NT5DC4: variants seen among roughly 807,000 people sequenced by gnomAD.
The protein encoded by NT5DC4 is 5'-nucleotidase domain-containing protein 4.
A neutral mutation model predicts 26.6 loss-of-function variants in NT5DC4; 44 were observed. The observed-to-expected ratio is 1.65, with a 90% CI of 1.30 to 2.13. NT5DC4 has a LOEUF of 2.13. Among genes scored for constraint, NT5DC4 ranks in the 30% most tolerant of loss-of-function variants. The probability of loss-of-function intolerance (pLI) is 0.00; values close to 1 mark genes in which losing one functional copy is unlikely to be tolerated. For missense variants in NT5DC4, 399 were observed against 228.1 expected (o/e 1.75, Z -4.83); for synonymous variants, 157 against 86.7 (o/e 1.81, Z -4.51).
chr2:112,722,185 G>A lies in NT5DC4; in HGVS notation c.269G>A (p.Arg90Gln), dbSNP rs759008773. ...GCCCCCCGACCCCCCGTCTGCAGGC[G>A]GCTGGTGTTCGATGAACTCTATGGG... ...YTYDPTFPTR[R>Q]LVFDELYGNL... The change falls in exon 4 of 17, where the codon CGG becomes CAG. Residue 90 changes from arginine (R) to glutamine (Q), a missense_variant and splice_region_variant. Coordinates refer to ENST00000688554, the MANE Select transcript of NT5DC4 (RefSeq NM_001393655.1). The A allele has an allele frequency of 2.1e-5, 15 of 717,042 alleles. No individual in the cohort carries two copies. The Middle Eastern group carries it at 6.9e-4, about 33-fold the overall frequency. The allele number at this position is 717,042 out of a possible 1,614,324, so 44.4% of individuals were successfully genotyped here.
chr2:112,730,872 GT>G (rs1428829660), intron 16 of NT5DC4, among the ~76,000 whole-genome samples: 1 of 152,166 alleles, frequency 6.6e-6, no homozygotes, highest in African/African-American at 2.4e-5. Flanking sequence ...GTTGGCAACT[GT>G]TTTTCTATCC....
rs1254918314 is a variant in NT5DC4 at position 112,721,865 on chromosome 2, G to C, written c.122G>C (p.Gly41Ala). The C allele has an allele frequency of 1.4e-6, 1 of 717,362 alleles. No homozygotes were observed. Among genetic ancestry groups the C allele is most frequent in the South Asian group, 1.5e-5 (1 of 67,604 alleles). 44.4% of individuals were successfully genotyped at this position (717,362 alleles called of 1,614,324 possible). A position where few individuals can be genotyped will look rare whatever the true frequency, so the allele number is the denominator to read the frequency against. ...SLALGKIRCF[G>A]FDMDYTLAAY... is the part of the protein sequence containing the mutation. ...GCGCTGGGGAAGATTCGTTGCTTTG[G>C]CTTCGACATGGACTACACTCTGGCT... The change falls in exon 2 of 17, where the codon GGC becomes GCC. Residue 41 changes from glycine (G) to alanine (A), a missense_variant. Coordinates refer to ENST00000688554, the MANE Select transcript of NT5DC4 (RefSeq NM_001393655.1).
chr2:112,741,888 G>A (rs535432839), downstream of NT5DC4, among the ~76,000 whole-genome samples: 335 of 147,576 alleles, frequency 2.3e-3, no homozygotes, highest in African/African-American at 8.1e-3. Context: ...AGCCTCCTGA[G>A]TATCTGGGAT....
In NT5DC4 at chr2:112,724,914, C is replaced by T. The variant is rs1677494571; in HGVS notation, c.915+8C>T. The T allele has an allele frequency of 1.4e-6, 1 of 716,604 alleles. No individual in the cohort carries two copies. Among genetic ancestry groups the T allele is most frequent in the Non-Finnish European group, 2.6e-6 (1 of 384,944 alleles). 44.4% of individuals were successfully genotyped at this position (716,604 alleles called of 1,614,324 possible). ...GTAATGGCAGGTGCAGAGGTCAGTC[C>T]ACCTGCACCCATGGACCACGGTTGG... On this transcript the variant is annotated splice_region_variant and intron_variant, in intron 11 of 16. Transcript: ENST00000688554.
At chr2:112,735,291 G>A (rs562672824) in intron 16 of NT5DC4, among the ~76,000 whole-genome samples, 4 of 151,052 alleles carry the variant, frequency 2.6e-5, no homozygotes, top group African/African-American at 4.9e-5. Context: ...TGATCCACCC[G>A]CCTCGACTTC....
chr2:112,726,982 C>A (rs1366201102), intron 15 of NT5DC4: 8 of 564,082 alleles, frequency 1.4e-5, no homozygotes, highest in Non-Finnish European at 2.6e-5. Context: ...GCCTCCAGTC[C>A]CACAGTCTTT....
chr2:112,729,473 C>T (rs1678202378), intron 15 of NT5DC4, among the ~76,000 whole-genome samples, 154 bp from the exon 16 acceptor site: 1 of 152,218 alleles, frequency 6.6e-6, no homozygotes, highest in African/African-American at 2.4e-5. Context: ...ACCTTCCTGC[C>T]CCTGCTGACC....
At chr2:112,733,791 G>C (rs1421493616) in intron 16 of NT5DC4, among the ~76,000 whole-genome samples, 1 of 152,222 alleles carries the variant, frequency 6.6e-6, no homozygotes, top group Non-Finnish European at 1.5e-5. Flanking sequence ...GAAATGAAGA[G>C]AACAGAAGCA....
chr2:112,740,849 C>T, downstream of NT5DC4: 1 of 1,611,196 alleles, frequency 6.2e-7, no homozygotes, highest in Non-Finnish European at 8.5e-7. Context: ...AATTTGATAC[C>T]AGGATAATTA....
At position 112,722,084 on chromosome 2, in the gene NT5DC4, G is replaced by A. The variant is rs1232325389; in HGVS notation, c.247G>A (p.Asp83Asn). 5 of 717,016 alleles carry A rather than the reference G, an allele frequency of 7.0e-6. No individual in the cohort carries two copies. Among genetic ancestry groups the A allele is most frequent in the South Asian group, 3.0e-5 (2 of 67,602 alleles). The allele number at this position is 717,016 out of a possible 1,614,324, so 44.4% of individuals were successfully genotyped here. Residue 83 changes from aspartate to asparagine, a missense_variant, in exon 3 of 17, where the codon GAC becomes AAC. Coordinates refer to ENST00000688554, the MANE Select transcript of NT5DC4 (RefSeq NM_001393655.1). ...YPHEILRYTYDPTFPTRRLVF... is the reference protein window; with the variant it reads ...YPHEILRYTYNPTFPTRRLVF... ...GCATGAGATCCTGCGCTACACCTACGACCCCACCTTCCCCACCAGGTGTGT... is the reference window on the plus strand; with the variant it reads ...GCATGAGATCCTGCGCTACACCTACAACCCCACCTTCCCCACCAGGTGTGT...
intron 16 of NT5DC4, chr2:112,738,409 C>G (rs977736499): frequency 1.1e-5 from 2 of 177,866 alleles, no homozygotes; most frequent in African/African-American, 4.8e-5. Flanking sequence ...TTCAGCCTGT[C>G]AAGCTAGCGT....
At chr2:112,734,279 G>A (rs1004430187) in intron 16 of NT5DC4, among the ~76,000 whole-genome samples, 1 of 149,532 alleles carries the variant, frequency 6.7e-6, no homozygotes. Flanking sequence ...GAATTTATTG[G>A]TTCATATAAC....
At chr2:112,736,394 CATG>C (rs531807805) in intron 16 of NT5DC4, among the ~76,000 whole-genome samples, 60 of 152,274 alleles carry the variant, frequency 3.9e-4, no homozygotes, top group South Asian at 2.3e-3. Context: ...AGATTTACAA[CATG>C]ATGTTATGGG....
chr2:112,719,922 T>TTCTC (rs775342939), upstream of NT5DC4, among the ~76,000 whole-genome samples: 2 of 90,010 alleles, frequency 2.2e-5, no homozygotes, highest in African/African-American at 1.1e-4. Flanking sequence ...CTTTCTTTCT[T>TTCTC]TCTCTTTCTT....
At chr2:112,730,310 CAAAAAAAAAAAAA>C (rs11375761) in intron 16 of NT5DC4, among the ~76,000 whole-genome samples, 1 of 76,192 alleles carries the variant, frequency 1.3e-5, no homozygotes, top group Non-Finnish European at 2.4e-5. Context: ...AAGACTGTCT[CAAAAAAAAAAAAA>C]AAAAAAAAGC....
Position 112,738,563 on chromosome 2 carries a change from T to C in NT5DC4, c.1345-350T>C, listed in dbSNP as rs569182320. On this transcript the variant is annotated intron_variant, in intron 16 of 16. Coordinates refer to ENST00000688554, the MANE Select transcript of NT5DC4 (RefSeq NM_001393655.1). ...AGTAGATCAATAAAGTATAAATATT[T>C]ATCATAGTTGTAGGGTAAATATTCA... 8.7e-5 allele frequency: 39 copies of C among 447,644 alleles called. 1 individual carries two copies. The highest frequency in any genetic ancestry group is 6.7e-4 in the South Asian group (23 of 34,144). The allele number at this position is 447,644 out of a possible 1,614,324, so 27.7% of individuals were successfully genotyped here. A position where few individuals can be genotyped will look rare whatever the true frequency, so the allele number is the denominator to read the frequency against.
At chr2:112,724,953 C>T in intron 11 of NT5DC4, 47 bp downstream of exon 11, 2 of 712,410 alleles carry the variant, frequency 2.8e-6, no homozygotes, top group Non-Finnish European at 5.2e-6. Flanking sequence ...GGGCAGCCTG[C>T]CTGCCCCTTA....
chr2:112,724,252 T>TG, intron 10 of NT5DC4, 126 bp downstream of exon 10: 1 of 692,760 alleles, frequency 1.4e-6, no homozygotes, highest in Non-Finnish European at 2.7e-6. Flanking sequence ...CCTGAGTGTG[T>TG]GAGTGGTCAT....
intron 16 of NT5DC4, 119 bp downstream of exon 16, chr2:112,729,823 G>T: frequency 3.1e-6 from 2 of 651,468 alleles, no homozygotes; most frequent in South Asian, 1.7e-5. Context: ...GGGCTTGTGG[G>T]CTTGTTTTTG....
Sources: gnomAD v4.1 joint callset for allele counts (sites outside exome capture counted in the v4.1 genomes callset) on GRCh38, gnomAD v4.1.1 for gene constraint, MANE v1.5 for transcripts, NCBI Gene and HGNC (gene_info 2026-07-23, HGNC 2026-07-21) for gene names.